The following ACER3 variants were observed in gnomAD, a reference collection of about 807,000 sequenced individuals.
The protein encoded by ACER3 is alkCDase 3.
ACER3 carries 16 observed loss-of-function variants against 48.9 expected under a neutral mutation model. That is an observed-to-expected ratio of 0.33 (90% CI 0.22 to 0.50). The LOEUF (loss-of-function observed/expected upper bound fraction) is 0.50, where lower values mean the gene tolerates loss of function less well. Among genes scored for constraint, ACER3 ranks in the 20% least tolerant of loss-of-function variants. The pLI, the probability that ACER3 is intolerant of heterozygous loss-of-function variation, is 0.98. For synonymous variants in ACER3, 109 were observed against 107.8 expected (o/e 1.01, Z -0.07); for missense variants, 227 against 326.0 (o/e 0.70, Z 2.34).
rs183890078 is a variant in ACER3 at position 76,902,038 on chromosome 11, C to T, written c.104-24519C>T. Among the ~76,000 whole-genome samples the T allele has an allele frequency of 5.0e-3, 577 of 114,438 alleles. 1 individual carries two copies. Among genetic ancestry groups the T allele is most frequent in the Non-Finnish European group, 8.5e-3 (393 of 46,176 alleles). The allele number at this position is 114,438 out of a possible 152,430, so 75.1% of individuals were successfully genotyped here. On this transcript the variant is annotated intron_variant, in intron 1 of 10. Transcript: ENST00000532485. ...GCTTCTCTTCCTTACTAATAAATGT[C>T]CCTTGTGGCATTTTTTTTTTCCAGA...
At chr11:76,877,571 C>T (rs1050240805) in intron 1 of ACER3, among the ~76,000 whole-genome samples, 1 of 151,986 alleles carries the variant, frequency 6.6e-6, no homozygotes. Flanking sequence ...GTCTTTGTCT[C>T]CTGAAATCCC....
intron 1 of ACER3, among the ~76,000 whole-genome samples, chr11:76,882,241 G>A (rs563898470): frequency 3.1e-5 from 3 of 97,782 alleles, no homozygotes; most frequent in East Asian, 2.6e-4. Context: ...TCCTGACCTC[G>A]TAATCTGCCC....
rs1565232392 is a variant in ACER3 at position 77,020,654 on chromosome 11, C to T, written c.*327C>T. On this transcript the variant is annotated 3_prime_UTR_variant, in exon 11 of 11. Coordinates refer to ENST00000532485, the MANE Select transcript of ACER3 (RefSeq NM_018367.7). Reference sequence around the variant, plus strand: ...GTTTGTGCTGGTTATAAGAAATTAACCTTCTTTTCTTTTTGCCAAGGGTTG... The same window carrying T: ...GTTTGTGCTGGTTATAAGAAATTAATCTTCTTTTCTTTTTGCCAAGGGTTG... 1 of 221,080 alleles carries T rather than the reference C, an allele frequency of 4.5e-6. No individual in the cohort carries two copies. The highest frequency in any genetic ancestry group is 1.6e-3 in the Middle Eastern group (1 of 626). The allele number at this position is 221,080 out of a possible 1,614,324, so 13.7% of individuals were successfully genotyped here.
chr11:76,894,572 A>G (rs2134637040), intron 1 of ACER3, among the ~76,000 whole-genome samples: 1 of 152,260 alleles, frequency 6.6e-6, no homozygotes, highest in South Asian at 2.1e-4. Context: ...TAGTGAGACT[A>G]CTCCCTTACA....
Position 77,015,774 on chromosome 11 carries a change from A to G in ACER3, c.599+657A>G, listed in dbSNP as rs1201409462. ...AATCAACAAAATTCAGACTGTGAGA[A>G]ATCTACAGAATGAATGACCTGGTCT... On this transcript the variant is annotated intron_variant, in intron 8 of 10. Coordinates refer to ENST00000532485, the MANE Select transcript of ACER3 (RefSeq NM_018367.7). Among the ~76,000 whole-genome samples the G allele has an allele frequency of 9.2e-5, 14 of 152,290 alleles. No homozygotes were observed. The East Asian group carries it at 1.7e-3, about 19-fold the overall frequency.
At chr11:76,938,514 T>C (rs1947254174) in intron 2 of ACER3, among the ~76,000 whole-genome samples, 1 of 152,008 alleles carries the variant, frequency 6.6e-6, no homozygotes, top group East Asian at 1.9e-4. Flanking sequence ...GAAACAGGTC[T>C]CCCTATGTTG....
intron 3 of ACER3, among the ~76,000 whole-genome samples, chr11:76,960,514 A>G (rs1394738706): frequency 6.6e-6 from 1 of 152,148 alleles, no homozygotes; most frequent in Non-Finnish European, 1.5e-5. Flanking sequence ...AAAGTATTTC[A>G]TATTCTTAAA....
chr11:76,910,845 C>T (rs1946361244), intron 1 of ACER3, among the ~76,000 whole-genome samples: 1 of 152,152 alleles, frequency 6.6e-6, no homozygotes, highest in Non-Finnish European at 1.5e-5. Context: ...CTGTGTAATG[C>T]ACCCACAAAT....
chr11:76,891,004 A>G (rs1202875502), intron 1 of ACER3, among the ~76,000 whole-genome samples: 1 of 151,972 alleles, frequency 6.6e-6, no homozygotes, highest in Non-Finnish European at 1.5e-5. Flanking sequence ...CTGTAGTTTC[A>G]GCTACTCTGG....
chr11:76,934,317 T>A (rs1423963695), intron 2 of ACER3, among the ~76,000 whole-genome samples: 1 of 152,186 alleles, frequency 6.6e-6, no homozygotes, highest in Non-Finnish European at 1.5e-5. Flanking sequence ...ATCTCGGCAC[T>A]TTGGGAGGCC....
At chr11:76,942,198 A>G (rs758598510) in intron 2 of ACER3, among the ~76,000 whole-genome samples, 5 of 152,030 alleles carry the variant, frequency 3.3e-5, no homozygotes, top group Non-Finnish European at 7.4e-5. Flanking sequence ...GAACTTCCAC[A>G]GTATATTGAA....
intron 5 of ACER3, among the ~76,000 whole-genome samples, chr11:76,988,686 A>G (rs766037149): frequency 8.5e-5 from 13 of 152,228 alleles, no homozygotes; most frequent in Non-Finnish European, 1.3e-4. Flanking sequence ...TGGGCATACA[A>G]CCAAACCATA....
intron 1 of ACER3, among the ~76,000 whole-genome samples, chr11:76,892,146 G>T (rs1945823216): frequency 6.6e-6 from 1 of 151,902 alleles, no homozygotes; most frequent in Non-Finnish European, 1.5e-5. Flanking sequence ...AACCTCGTTG[G>T]GCCTCAAGTG....
intron 1 of ACER3, among the ~76,000 whole-genome samples, chr11:76,925,184 C>A (rs146241926): frequency 3.9e-5 from 6 of 152,032 alleles, no homozygotes; most frequent in African/African-American, 1.4e-4. Flanking sequence ...AAAGAAAGAA[C>A]GATGCGTCCA....
intron 6 of ACER3, among the ~76,000 whole-genome samples, chr11:76,995,649 C>A (rs1460778560): frequency 6.6e-6 from 1 of 151,962 alleles, no homozygotes; most frequent in East Asian, 1.9e-4. Flanking sequence ...AGAAATCAAA[C>A]TTATATAGCT....
At chr11:76,941,012 AACACACACACACAC>A (rs370121849) in intron 2 of ACER3, among the ~76,000 whole-genome samples, 1 of 146,200 alleles carries the variant, frequency 6.8e-6, no homozygotes, top group Non-Finnish European at 1.5e-5. Flanking sequence ...TGTGTGTATA[AACACACACACACAC>A]ACACACACAC....
At chr11:76,960,648 A>T (rs1306688032) in intron 3 of ACER3, among the ~76,000 whole-genome samples, 1 of 152,164 alleles carries the variant, frequency 6.6e-6, no homozygotes, top group Non-Finnish European at 1.5e-5. Context: ...GGTGGGGACC[A>T]TCCATCACAG....
At chr11:76,867,468 CAAAAAAAAAAA>C (rs1156610809) in intron 1 of ACER3, among the ~76,000 whole-genome samples, 3 of 19,662 alleles carry the variant, frequency 1.5e-4, no homozygotes, top group Non-Finnish European at 1.9e-4. Context: ...GACTCTGTCT[CAAAAAAAAAAA>C]AAAAAAAAAA....
At chr11:76,908,870 A>G (rs1227470211) in intron 1 of ACER3, among the ~76,000 whole-genome samples, 2 of 152,208 alleles carry the variant, frequency 1.3e-5, no homozygotes, top group Non-Finnish European at 2.9e-5. Flanking sequence ...ACTTCAAACT[A>G]TACTACAAGG....
Sources: allele counts gnomAD v4.1 joint callset (sites outside exome capture counted in the v4.1 genomes callset), GRCh38; gene constraint gnomAD v4.1.1; transcripts MANE v1.5; gene names NCBI Gene and HGNC (gene_info 2026-07-23, HGNC 2026-07-21).